RGSL1: variants seen among roughly 807,000 people sequenced by gnomAD.
RGSL1 encodes regulator of G protein signaling protein-like.
Under a neutral mutation model 124.7 loss-of-function variants are expected in RGSL1, and 97 were observed. The observed-to-expected ratio is 0.78, with a 90% CI of 0.66 to 0.92. The LOEUF (loss-of-function observed/expected upper bound fraction) is 0.92, where lower values mean the gene tolerates loss of function less well. RGSL1 is among the 40% of genes least tolerant of loss of function. The pLI is 0.00. For missense variants in RGSL1, 1,233 were observed against 1,288.4 expected (o/e 0.96, Z 0.66); for synonymous variants, 424 against 438.1 (o/e 0.97, Z 0.40).
chr1:182,521,735 G>A (rs901647737), intron 9 of RGSL1, among the ~76,000 whole-genome samples: 3 of 152,288 alleles, frequency 2.0e-5, no homozygotes, highest in Admixed American at 2.0e-4. Flanking sequence ...AATGTAACGA[G>A]GAGAGAGGCA....
chr1:182,467,987 C>T (rs367818418), intron 4 of RGSL1, among the ~76,000 whole-genome samples: 2 of 152,200 alleles, frequency 1.3e-5, no homozygotes, highest in African/African-American at 4.8e-5. Flanking sequence ...CAAAAGAAGA[C>T]ATTTATGTAG....
intron 11 of RGSL1, among the ~76,000 whole-genome samples, chr1:182,528,160 T>G (rs1658893486): frequency 6.6e-6 from 1 of 152,066 alleles, no homozygotes; most frequent in African/African-American, 2.4e-5. Flanking sequence ...GGGAAGCCCC[T>G]TGTAAAATCA....
chr1:182,463,850 A>G (rs1037630395), intron 4 of RGSL1, among the ~76,000 whole-genome samples: 1 of 152,206 alleles, frequency 6.6e-6, no homozygotes, highest in African/African-American at 2.4e-5. Context: ...TCAACAATAC[A>G]TTAAACTAGC....
intron 13 of RGSL1, among the ~76,000 whole-genome samples, chr1:182,531,174 G>A (rs1430711203): frequency 6.6e-6 from 1 of 152,132 alleles, no homozygotes; most frequent in Non-Finnish European, 1.5e-5. Context: ...TGGTTTTGCT[G>A]GTCCTCTGCA....
intron 18 of RGSL1, among the ~76,000 whole-genome samples, chr1:182,551,659 T>C (rs1660572957): frequency 6.6e-6 from 1 of 152,188 alleles, no homozygotes; most frequent in Admixed American, 6.5e-5. Context: ...AGCAGACATA[T>C]ATATGTAAAA....
chr1:182,528,073 C>G (rs567740131), intron 11 of RGSL1, among the ~76,000 whole-genome samples: 1 of 152,142 alleles, frequency 6.6e-6, no homozygotes, highest in South Asian at 2.1e-4. Flanking sequence ...GCTGGGGAGG[C>G]CTCAGGAAAC....
intron 2 of RGSL1, among the ~76,000 whole-genome samples, chr1:182,456,241 T>G (rs185604150): frequency 6.6e-6 from 1 of 152,126 alleles, no homozygotes. Flanking sequence ...GTCTTTTATG[T>G]GTTTCTCACT....
intron 9 of RGSL1, among the ~76,000 whole-genome samples, chr1:182,496,052 G>A (rs1417422027): frequency 2.6e-5 from 4 of 152,146 alleles, no homozygotes; most frequent in Non-Finnish European, 5.9e-5. Context: ...TTGGCTCATG[G>A]TTCCACAGGC....
In RGSL1 at chr1:182,532,682, G is replaced by C; in HGVS notation, c.2385G>C (p.Met795Ile). 6.4e-7 allele frequency: 1 copy of C among 1,550,914 alleles called. No homozygotes were observed. The highest frequency in any genetic ancestry group is 2.4e-5 in the East Asian group (1 of 40,906). Residue 795 changes from methionine (M) to isoleucine (I), a missense_variant, in exon 14 of 22, where the codon ATG becomes ATC. By Grantham distance (10) the Met-to-Ile change is conservative. Transcript: ENST00000294854. ...QESQKKGWMR[M>I]ISFIRSFCKY... ...CCCAGAAGAAAGGCTGGATGAGAAT[G>C]ATCAGCTTTATCAGGAGTTTTTGCA...
At chr1:182,454,608 G>A (rs1397821430) in intron 2 of RGSL1, among the ~76,000 whole-genome samples, 3 of 151,874 alleles carry the variant, frequency 2.0e-5, no homozygotes, top group Non-Finnish European at 4.4e-5. Flanking sequence ...GTGTGTGTGT[G>A]TGTGTGTGTG....
intron 14 of RGSL1, among the ~76,000 whole-genome samples, chr1:182,535,118 A>G (rs1186857777): frequency 6.6e-6 from 1 of 152,130 alleles, no homozygotes; most frequent in Non-Finnish European, 1.5e-5. Context: ...GCAGCTGAAT[A>G]CCCATCATCC....
intron 4 of RGSL1, among the ~76,000 whole-genome samples, chr1:182,464,536 C>T (rs1246802986): frequency 6.6e-6 from 1 of 151,924 alleles, no homozygotes; most frequent in Non-Finnish European, 1.5e-5. Flanking sequence ...CCAGCCTGGC[C>T]AACATGGTGA....
At chr1:182,542,389 T>C (rs950835727) in intron 15 of RGSL1, among the ~76,000 whole-genome samples, 9 of 152,174 alleles carry the variant, frequency 5.9e-5, no homozygotes, top group Non-Finnish European at 4.4e-5. Flanking sequence ...CATGGATTTA[T>C]ATCTGAATTG....
chr1:182,553,447 T>C lies in RGSL1; in HGVS notation c.3044-8T>C. The C allele has an allele frequency of 5.2e-6, 8 of 1,551,268 alleles. No individual in the cohort carries two copies. Among genetic ancestry groups the C allele is most frequent in the Non-Finnish European group, 7.0e-6 (8 of 1,146,590 alleles). ...GTGTTTTTAATGCTTGTTTTTGTCC[T>C]TCCCCAGGAGACAATGCCATCTTAA... On this transcript the variant is annotated splice_polypyrimidine_tract_variant and splice_region_variant and intron_variant, in intron 18 of 21. Coordinates refer to ENST00000294854, the MANE Select transcript of RGSL1 (RefSeq NM_001137669.2).
intron 9 of RGSL1, among the ~76,000 whole-genome samples, chr1:182,495,148 G>A (rs1655822648): frequency 6.6e-6 from 1 of 152,150 alleles, no homozygotes; most frequent in Admixed American, 6.5e-5. Flanking sequence ...GGTACTGGGG[G>A]CTCTGCATTT....
At chr1:182,458,492 T>C in intron 3 of RGSL1, 99 bp downstream of exon 3, 1 of 1,007,848 alleles carries the variant, frequency 9.9e-7, no homozygotes, top group Non-Finnish European at 1.5e-6. Flanking sequence ...GTTTTGGAGA[T>C]GGGGTCTCAT....
chr1:182,556,369 G>T (rs1251799817), intron 21 of RGSL1, 147 bp downstream of exon 21: 4 of 341,580 alleles, frequency 1.2e-5, no homozygotes, highest in Non-Finnish European at 2.1e-5. Context: ...ATGACAAATG[G>T]ATGTAAAGAT....
upstream of RGSL1, among the ~76,000 whole-genome samples, chr1:182,448,671 G>C (rs1010551312): frequency 2.6e-5 from 4 of 152,112 alleles, no homozygotes; most frequent in East Asian, 7.7e-4. Flanking sequence ...CTGTCAATAA[G>C]GTAATTCTTA....
intron 9 of RGSL1, among the ~76,000 whole-genome samples, chr1:182,507,834 G>A (rs1262973189): frequency 3.3e-5 from 5 of 151,914 alleles, no homozygotes; most frequent in Admixed American, 3.3e-4. Flanking sequence ...TCCTCAAGTA[G>A]TTGGGACCAC....
Sources: gnomAD v4.1 joint callset for allele counts (sites outside exome capture counted in the v4.1 genomes callset) on GRCh38, gnomAD v4.1.1 for gene constraint, MANE v1.5 for transcripts, NCBI Gene and HGNC (gene_info 2026-07-23, HGNC 2026-07-21) for gene names.